Variants in SRPK2 observed in about 807,000 individuals in gnomAD.
The protein encoded by SRPK2 is SFRS protein kinase 2.
In SRPK2, 21 loss-of-function variants were observed where a neutral mutation model predicts 90.8. That is an observed-to-expected ratio of 0.23 (90% confidence interval 0.16 to 0.33). The LOEUF (loss-of-function observed/expected upper bound fraction) is 0.33. Among genes scored for constraint, SRPK2 ranks in the 10% least tolerant of loss-of-function variants. The probability of loss-of-function intolerance (pLI) is 1.00; values close to 1 mark genes in which losing one functional copy is unlikely to be tolerated. For missense variants in SRPK2, 620 were observed against 869.0 expected, an observed-to-expected ratio of 0.71 and a Z score of 3.60; for synonymous variants, 288 against 311.1, an observed-to-expected ratio of 0.93 and a Z score of 0.78.
intron 2 of SRPK2, among the ~76,000 whole-genome samples, chr7:105,280,626 CATGTAT>C (rs1186014675): frequency 7.9e-6 from 1 of 126,426 alleles, no homozygotes; most frequent in Non-Finnish European, 1.6e-5. Flanking sequence ...AGGCTATTTA[CATGTAT>C]AAGAAAACAA....
intron 2 of SRPK2, among the ~76,000 whole-genome samples, chr7:105,288,479 A>G (rs899974160): frequency 6.6e-6 from 1 of 152,018 alleles, no homozygotes; most frequent in African/African-American, 2.4e-5. Context: ...CTGTAATCTC[A>G]GCTACTTGGG....
chr7:105,215,363 CA>C (rs919649106), intron 2 of SRPK2, among the ~76,000 whole-genome samples: 32 of 150,034 alleles, frequency 2.1e-4, no homozygotes, highest in African/African-American at 8.1e-4. Context: ...CAGTGACGTA[CA>C]AAACAAGAGA....
At chr7:105,324,760 G>A (rs895157685) in intron 2 of SRPK2, among the ~76,000 whole-genome samples, 4 of 152,224 alleles carry the variant, frequency 2.6e-5, no homozygotes, top group East Asian at 1.9e-4. Context: ...GGTGGTGCAC[G>A]CCTGCAATCC....
At chr7:105,194,398 A>C (rs1794666736) in intron 3 of SRPK2, among the ~76,000 whole-genome samples, 2 of 152,222 alleles carry the variant, frequency 1.3e-5, no homozygotes, top group African/African-American at 4.8e-5. Context: ...AATCATAAGG[A>C]AGAAGAAAAA....
upstream of SRPK2, among the ~76,000 whole-genome samples, chr7:105,390,607 G>GTTTTT (rs869259356): frequency 6.6e-4 from 72 of 109,028 alleles, 2 homozygotes; most frequent in East Asian, 1.7e-3. Flanking sequence ...TTTTGTTTTT[G>GTTTTT]TTTTTTTTTT....
chr7:105,221,220 T>C (rs1798055604), intron 2 of SRPK2, among the ~76,000 whole-genome samples: 1 of 152,208 alleles, frequency 6.6e-6, no homozygotes, highest in Non-Finnish European at 1.5e-5. Flanking sequence ...GCTGTTGCCA[T>C]TATACGCTTG....
chr7:105,361,555 T>C (rs10224539), intron 2 of SRPK2, among the ~76,000 whole-genome samples: 70,150 of 151,876 alleles, frequency 0.46, 17,065 homozygotes, highest in East Asian at 0.93. Context: ...GGAGGCATCA[T>C]GCTACCTGAC....
chr7:105,288,584 G>C (rs1331948312), intron 2 of SRPK2, among the ~76,000 whole-genome samples: 1 of 151,994 alleles, frequency 6.6e-6, no homozygotes, highest in African/African-American at 2.4e-5. Context: ...ACAGTGCAAA[G>C]TGCAAGACTC....
intron 2 of SRPK2, among the ~76,000 whole-genome samples, chr7:105,274,670 A>C (rs370486434): frequency 7.9e-5 from 12 of 151,688 alleles, no homozygotes; most frequent in Non-Finnish European, 1.6e-4. Flanking sequence ...AACTCACCAA[A>C]TCACCACATC....
At chr7:105,228,774 G>A (rs1799047923) in intron 2 of SRPK2, among the ~76,000 whole-genome samples, 1 of 152,212 alleles carries the variant, frequency 6.6e-6, no homozygotes, top group African/African-American at 2.4e-5. Flanking sequence ...CAGAGTCCCA[G>A]GCACCCTCAC....
chr7:105,120,890 G>C (rs149333795), intron 15 of SRPK2, among the ~76,000 whole-genome samples: 2 of 152,108 alleles, frequency 1.3e-5, no homozygotes, highest in African/African-American at 2.4e-5. Flanking sequence ...AATGAGTGAG[G>C]GTCTCGAGTC....
intron 2 of SRPK2, among the ~76,000 whole-genome samples, chr7:105,306,956 T>C (rs1458639608): frequency 6.6e-6 from 1 of 152,202 alleles, no homozygotes; most frequent in Non-Finnish European, 1.5e-5. Context: ...TAGTTCTGAA[T>C]AGAGAATACA....
chr7:105,374,799 G>A (rs1820100972), intron 2 of SRPK2, among the ~76,000 whole-genome samples: 1 of 152,090 alleles, frequency 6.6e-6, no homozygotes, highest in Non-Finnish European at 1.5e-5. Context: ...AGTAGAGACA[G>A]GGTTGCACCA....
At chr7:105,135,095 C>T (rs1802593745) in intron 11 of SRPK2, among the ~76,000 whole-genome samples, 1 of 152,164 alleles carries the variant, frequency 6.6e-6, no homozygotes, top group Admixed American at 6.5e-5. Flanking sequence ...AGATGAACAA[C>T]ACTAGACATG....
At chr7:105,240,723 G>C (rs1800699497) in intron 2 of SRPK2, among the ~76,000 whole-genome samples, 1 of 152,172 alleles carries the variant, frequency 6.6e-6, no homozygotes, top group Non-Finnish European at 1.5e-5. Context: ...CAGGTGATGA[G>C]AAAGAATTGC....
chr7:105,225,804 A>AC (rs1798636780), intron 2 of SRPK2, among the ~76,000 whole-genome samples: 1 of 151,712 alleles, frequency 6.6e-6, no homozygotes, highest in African/African-American at 2.4e-5. Context: ...ACTTAAAAAA[A>AC]AAAGTAAAAG....
At chr7:105,312,821 G>A (rs1811867722) in intron 2 of SRPK2, among the ~76,000 whole-genome samples, 1 of 152,132 alleles carries the variant, frequency 6.6e-6, no homozygotes, top group Non-Finnish European at 1.5e-5. Flanking sequence ...CTTTTCTGTA[G>A]AAATGAGGTC....
chr7:105,159,743 T>A (rs1444239685), intron 7 of SRPK2, among the ~76,000 whole-genome samples: 1 of 152,194 alleles, frequency 6.6e-6, no homozygotes, highest in East Asian at 1.9e-4. Flanking sequence ...AGCTGAGGGT[T>A]TTCTTCTGGC....
At chr7:105,172,042 C>T (rs527883799) in intron 3 of SRPK2, among the ~76,000 whole-genome samples, 67 of 152,190 alleles carry the variant, frequency 4.4e-4, no homozygotes, top group Non-Finnish European at 6.5e-4. Context: ...TACAGGCTTG[C>T]ACCACCACAC....
Sources: allele counts gnomAD v4.1 joint callset (sites outside exome capture counted in the v4.1 genomes callset), GRCh38; gene constraint gnomAD v4.1.1; transcripts MANE v1.5; gene names NCBI Gene and HGNC (gene_info 2026-07-23, HGNC 2026-07-21).